Variants in GALNTL6 observed in about 807,000 individuals in gnomAD.
GALNTL6 encodes the protein polypeptide N-acetylgalactosaminyltransferase like 6, also known as polypeptide N-acetylgalactosaminyltransferase-like 6.
In GALNTL6, 46 loss-of-function variants were observed where a neutral mutation model predicts 73.7. That is an observed-to-expected ratio of 0.62 (90% CI 0.49 to 0.80). The LOEUF (loss-of-function observed/expected upper bound fraction) is 0.80. Ranked by LOEUF, GALNTL6 falls within the 30% of genes least tolerant of loss-of-function variation. The pLI is 0.00. For synonymous variants in GALNTL6, 259 were observed against 263.7 expected (o/e 0.98, Z 0.17); for missense variants, 604 against 755.0 (o/e 0.80, Z 2.34).
At chr4:172,485,063 T>C (rs1161949269) in intron 5 of GALNTL6, among the ~76,000 whole-genome samples, 1 of 152,194 alleles carries the variant, frequency 6.6e-6, no homozygotes, top group African/African-American at 2.4e-5. Flanking sequence ...ATAAGTAGAT[T>C]GTAACAAATG....
intron 3 of GALNTL6, among the ~76,000 whole-genome samples, chr4:172,302,673 A>G (rs1210040190): frequency 6.6e-6 from 1 of 152,200 alleles, no homozygotes; most frequent in Admixed American, 6.5e-5. Flanking sequence ...AAAAATTTGT[A>G]TAAGAATATT....
chr4:172,320,103 G>A (rs1267924186), intron 4 of GALNTL6, among the ~76,000 whole-genome samples: 1 of 152,042 alleles, frequency 6.6e-6, no homozygotes, highest in Non-Finnish European at 1.5e-5. Context: ...AGAAAGTCTT[G>A]GGTAATCATA....
At chr4:172,049,808 A>AC (rs1455129214) in intron 2 of GALNTL6, among the ~76,000 whole-genome samples, 1 of 152,078 alleles carries the variant, frequency 6.6e-6, no homozygotes, top group East Asian at 1.9e-4. Flanking sequence ...ACATGGTGGA[A>AC]CCCCGTCTCT....
intron 5 of GALNTL6, among the ~76,000 whole-genome samples, chr4:172,417,543 G>A (rs1156890752): frequency 6.6e-6 from 1 of 152,058 alleles, no homozygotes; most frequent in Admixed American, 6.6e-5. Context: ...CAGCTACTTG[G>A]AAAGCTGAGG....
chr4:172,400,753 G>A (rs335994), intron 5 of GALNTL6, among the ~76,000 whole-genome samples: 6,318 of 152,086 alleles, frequency 0.042, 417 homozygotes, highest in African/African-American at 0.14. Context: ...GAGGAAAGCC[G>A]ACGATGTAAG....
chr4:172,382,290 TAA>T (rs1743313042), intron 5 of GALNTL6, among the ~76,000 whole-genome samples: 1 of 151,954 alleles, frequency 6.6e-6, no homozygotes, highest in African/African-American at 2.4e-5. Flanking sequence ...TTTTTTTTTT[TAA>T]GTTTGGTTAT....
intron 5 of GALNTL6, among the ~76,000 whole-genome samples, chr4:172,459,051 G>T (rs1204305033): frequency 6.6e-6 from 1 of 152,158 alleles, no homozygotes; most frequent in East Asian, 1.9e-4. Context: ...ATGCAAGGCT[G>T]GTTCAACATA....
intron 10 of GALNTL6, among the ~76,000 whole-genome samples, chr4:172,970,368 C>T (rs148255581): frequency 3.3e-5 from 5 of 152,190 alleles, no homozygotes; most frequent in Admixed American, 6.5e-5. Context: ...TACAGGAGAC[C>T]GGGGTGTATT....
intron 2 of GALNTL6, among the ~76,000 whole-genome samples, chr4:171,850,068 C>A (rs1193078175): frequency 6.6e-6 from 1 of 152,118 alleles, no homozygotes; most frequent in Non-Finnish European, 1.5e-5. Flanking sequence ...CGGTTTCAAG[C>A]GATTCTCTTG....
chr4:172,261,342 A>G (rs187376266), intron 3 of GALNTL6, among the ~76,000 whole-genome samples: 1 of 151,596 alleles, frequency 6.6e-6, no homozygotes, highest in African/African-American at 2.4e-5. Context: ...GGAGGGTTGT[A>G]TATTTCCAGG....
chr4:171,942,510 C>G (rs967160488), intron 2 of GALNTL6, among the ~76,000 whole-genome samples: 2 of 152,066 alleles, frequency 1.3e-5, no homozygotes, highest in Non-Finnish European at 2.9e-5. Context: ...AATATGTAGG[C>G]TAGATTTCCT....
intron 5 of GALNTL6, among the ~76,000 whole-genome samples, chr4:172,373,200 T>C (rs936845069): frequency 6.6e-6 from 1 of 152,126 alleles, no homozygotes; most frequent in Non-Finnish European, 1.5e-5. Flanking sequence ...TGCACATAAG[T>C]TGGGACGTGT....
rs567020355 is a variant in GALNTL6, at chr4:172,116,338, A to G, written c.139-113318A>G. ...CAAAGAACATATTGCTCTGTAATAA[A>G]TTTTTGAAAAATCCTACAATGTAAG... On this transcript the variant is annotated intron_variant, in intron 2 of 12. Transcript: ENST00000506823. Among the ~76,000 whole-genome samples, 99 of 152,312 alleles carry G rather than the reference A, an allele frequency of 6.5e-4. 4 individuals carry two copies. The South Asian group carries it at 0.02, about 31-fold the overall frequency.
intron 2 of GALNTL6, among the ~76,000 whole-genome samples, chr4:172,227,660 A>C (rs1450066897): frequency 6.6e-6 from 1 of 152,216 alleles, no homozygotes; most frequent in East Asian, 1.9e-4. Flanking sequence ...AGCTATTTAC[A>C]AAAACTTTAT....
intron 5 of GALNTL6, among the ~76,000 whole-genome samples, chr4:172,652,239 T>A (rs6844959): frequency 0.032 from 4,827 of 152,272 alleles, 128 homozygotes; most frequent in South Asian, 0.092. Context: ...TTCAGGAGTG[T>A]CGAGGTTATT....
chr4:172,954,730 A>C (rs150505859), intron 10 of GALNTL6, among the ~76,000 whole-genome samples: 251 of 152,256 alleles, frequency 1.6e-3, no homozygotes, highest in African/African-American at 5.7e-3. Context: ...AGCCTCCCCA[A>C]GTGCTGGAAT....
chr4:172,546,786 ATATATATATACGTATATATACG>A lies in GALNTL6; in HGVS notation c.553+198115_553+198136del, dbSNP rs1390839162. Among the ~76,000 whole-genome samples the A allele has an allele frequency of 2.0e-4, 2 of 9,842 alleles. 1 individual carries two copies. Among genetic ancestry groups the A allele is most frequent in the African/African-American group, 5.6e-4 (2 of 3,556 alleles). The allele number at this position is 9,842 out of a possible 152,430, so 6.5% of individuals were successfully genotyped here. On this transcript the variant is annotated intron_variant, in intron 5 of 12. Transcript: ENST00000506823. ...TATTAGAGTTTTTCAACTCCGCTTT[ATATATATATACGTATATATACG>A]TATATATATACGTATATGTATAATT...
At chr4:172,973,481 G>A (rs546198111) in intron 10 of GALNTL6, among the ~76,000 whole-genome samples, 4 of 152,238 alleles carry the variant, frequency 2.6e-5, no homozygotes, top group Middle Eastern at 3.4e-3. Flanking sequence ...CAATAAGTCC[G>A]TGGCAGAGAG....
chr4:172,822,451 A>G (rs1579526870), intron 7 of GALNTL6, among the ~76,000 whole-genome samples: 4 of 152,188 alleles, frequency 2.6e-5, no homozygotes, highest in African/African-American at 9.6e-5. Context: ...ACTCAGGACC[A>G]TGGTCTCTCT....
Sources: allele counts gnomAD v4.1 joint callset (sites outside exome capture counted in the v4.1 genomes callset), GRCh38; gene constraint gnomAD v4.1.1; transcripts MANE v1.5; gene names NCBI Gene and HGNC (gene_info 2026-07-23, HGNC 2026-07-21).